Variants in PLPPR1 observed in about 807,000 individuals in gnomAD.
PLPPR1 encodes phospholipid phosphatase related 1.
In PLPPR1, 10 loss-of-function variants were observed where a neutral mutation model predicts 33.1. The ratio of observed to expected loss-of-function variants is 0.30; its 90% CI spans 0.19 to 0.51. The LOEUF (loss-of-function observed/expected upper bound fraction) is 0.51. PLPPR1 is among the 20% of genes least tolerant of loss of function. The pLI, the probability that PLPPR1 is intolerant of heterozygous loss-of-function variation, is 0.97. For synonymous variants in PLPPR1, 151 were observed against 151.0 expected (o/e 1.00, Z 0.00); for missense variants, 304 against 408.1 (o/e 0.74, Z 2.20).
At chr9:101,081,829 A>G (rs1230676438) in intron 1 of PLPPR1, among the ~76,000 whole-genome samples, 1 of 152,224 alleles carries the variant, frequency 6.6e-6, no homozygotes, top group Non-Finnish European at 1.5e-5. Context: ...GAATCCGCTG[A>G]AGCTTGTGAG....
chr9:101,030,133 C>T (rs1292867081), intron 1 of PLPPR1, among the ~76,000 whole-genome samples: 4 of 151,932 alleles, frequency 2.6e-5, no homozygotes, highest in Admixed American at 2.6e-4. Context: ...ATCCTTTCTA[C>T]TACTGGGGCG....
At chr9:101,125,657 A>G (rs557203759) in intron 1 of PLPPR1, 14 of 594,832 alleles carry the variant, frequency 2.4e-5, no homozygotes, top group Admixed American at 6.3e-5. Context: ...GATCATGGCA[A>G]TTCACATATT....
intron 2 of PLPPR1, among the ~76,000 whole-genome samples, chr9:101,266,377 C>G (rs1424564936): frequency 3.0e-5 from 4 of 133,906 alleles, no homozygotes; most frequent in Non-Finnish European, 6.2e-5. Flanking sequence ...GCCTGGAAGA[C>G]AGAATGAGAC....
chr9:101,134,062 A>T (rs1328267166), intron 1 of PLPPR1, among the ~76,000 whole-genome samples: 2 of 152,222 alleles, frequency 1.3e-5, no homozygotes, highest in Non-Finnish European at 2.9e-5. Context: ...ATTCAAGGAC[A>T]GTTGAGGAAA....
chr9:101,116,101 C>CAA (rs1180172161), intron 1 of PLPPR1, among the ~76,000 whole-genome samples: 3 of 152,088 alleles, frequency 2.0e-5, no homozygotes, highest in African/African-American at 7.2e-5. Flanking sequence ...CTAGAAAATC[C>CAA]AATAAATAGC....
At chr9:101,279,923 C>A (rs549393214) in intron 3 of PLPPR1, among the ~76,000 whole-genome samples, 17 of 151,918 alleles carry the variant, frequency 1.1e-4, no homozygotes, top group African/African-American at 3.6e-4. Context: ...AAGGGCAAAC[C>A]AAACCCAAAT....
At chr9:101,048,931 T>G (rs1830186130) in intron 1 of PLPPR1, among the ~76,000 whole-genome samples, 1 of 152,034 alleles carries the variant, frequency 6.6e-6, no homozygotes, top group African/African-American at 2.4e-5. Flanking sequence ...AAGAGCAAAG[T>G]GTATAAATAA....
chr9:101,093,244 G>C (rs1162918292), intron 1 of PLPPR1, among the ~76,000 whole-genome samples: 1 of 152,102 alleles, frequency 6.6e-6, no homozygotes, highest in Non-Finnish European at 1.5e-5. Context: ...AGAAACCTGG[G>C]AATGCTGAAA....
intron 1 of PLPPR1, among the ~76,000 whole-genome samples, chr9:101,056,388 G>A (rs534478036): frequency 1.1e-4 from 17 of 152,152 alleles, no homozygotes; most frequent in African/African-American, 3.9e-4. Flanking sequence ...AATTGTTGCA[G>A]TTTGGGACAA....
chr9:101,055,260 A>G (rs980723347), intron 1 of PLPPR1, among the ~76,000 whole-genome samples: 3 of 152,238 alleles, frequency 2.0e-5, no homozygotes, highest in African/African-American at 7.2e-5. Flanking sequence ...TAAATGGATT[A>G]GTCTTTCCTC....
chr9:101,066,152 G>A (rs1830410663), intron 1 of PLPPR1, among the ~76,000 whole-genome samples: 1 of 151,996 alleles, frequency 6.6e-6, no homozygotes, highest in African/African-American at 2.4e-5. Flanking sequence ...TTTGAGGAAT[G>A]CTGGTCAGAT....
intron 4 of PLPPR1, among the ~76,000 whole-genome samples, chr9:101,301,090 G>T (rs1828742344): frequency 6.6e-6 from 1 of 152,084 alleles, no homozygotes; most frequent in Non-Finnish European, 1.5e-5. Flanking sequence ...AATATTTGGT[G>T]GGCTTTCTAG....
chr9:101,138,794 C>A (rs941709525), intron 1 of PLPPR1, among the ~76,000 whole-genome samples: 1 of 152,092 alleles, frequency 6.6e-6, no homozygotes, highest in East Asian at 1.9e-4. Flanking sequence ...GAAGATAATA[C>A]CTTACCAGGA....
intron 2 of PLPPR1, among the ~76,000 whole-genome samples, chr9:101,189,767 G>A (rs531298590): frequency 2.0e-5 from 3 of 151,806 alleles, no homozygotes; most frequent in Non-Finnish European, 4.4e-5. Context: ...TTAATTTCCA[G>A]AAATTCTGTG....
intron 1 of PLPPR1, among the ~76,000 whole-genome samples, chr9:101,081,812 A>T (rs780474376): frequency 2.6e-5 from 4 of 152,238 alleles, no homozygotes; most frequent in African/African-American, 4.8e-5. Flanking sequence ...GAAATGTGTT[A>T]TCAGGGGAAT....
intron 1 of PLPPR1, among the ~76,000 whole-genome samples, chr9:101,059,261 G>A (rs1348176599): frequency 1.3e-5 from 2 of 152,016 alleles, no homozygotes; most frequent in East Asian, 3.9e-4. Flanking sequence ...CACTCAAGAA[G>A]GAGCACTCCA....
intron 1 of PLPPR1, among the ~76,000 whole-genome samples, chr9:101,036,011 T>C: frequency 6.6e-6 from 1 of 152,128 alleles, no homozygotes; most frequent in East Asian, 1.9e-4. Context: ...AAACGCAGGA[T>C]TGGTTCCTGA....
At chr9:101,125,052 A>T (rs1831227169) in intron 1 of PLPPR1, among the ~76,000 whole-genome samples, 1 of 152,180 alleles carries the variant, frequency 6.6e-6, no homozygotes, top group Non-Finnish European at 1.5e-5. Context: ...CATAATTCAG[A>T]ATGTTCTTGT....
At chr9:101,233,536 ATT>A (rs1827233352) in intron 2 of PLPPR1, among the ~76,000 whole-genome samples, 1 of 151,940 alleles carries the variant, frequency 6.6e-6, no homozygotes. Context: ...TTGTAACAGT[ATT>A]AAGACGTAGG....
Sources: allele counts gnomAD v4.1 joint callset (sites outside exome capture counted in the v4.1 genomes callset), GRCh38; gene constraint gnomAD v4.1.1; transcripts MANE v1.5; gene names NCBI Gene and HGNC (gene_info 2026-07-23, HGNC 2026-07-21).